Variants in ANXA10 observed in about 807,000 individuals in gnomAD.
ANXA10 encodes annexin 14.
Under a neutral mutation model 53.5 loss-of-function variants are expected in ANXA10, and 49 were observed. The observed-to-expected ratio is 0.92, with a 90% CI of 0.73 to 1.16. ANXA10 has a LOEUF of 1.16. Among genes scored for constraint, ANXA10 ranks in the 50% most tolerant of loss-of-function variants. The probability of loss-of-function intolerance (pLI) is 0.00; values close to 1 mark genes in which losing one functional copy is unlikely to be tolerated. For missense variants in ANXA10, 393 were observed against 394.4 expected (o/e 1.00, Z 0.03); for synonymous variants, 131 against 128.9 (o/e 1.02, Z -0.11).
At chr4:168,153,725 A>G (rs535974837) in intron 3 of ANXA10, among the ~76,000 whole-genome samples, 1 of 152,254 alleles carries the variant, frequency 6.6e-6, no homozygotes, top group South Asian at 2.1e-4. Context: ...ATCTTTTAAC[A>G]TTTATATCAA....
At chr4:168,112,286 A>G (rs1730820807) in intron 1 of ANXA10, among the ~76,000 whole-genome samples, 1 of 152,138 alleles carries the variant, frequency 6.6e-6, no homozygotes, top group Admixed American at 6.6e-5. Context: ...CAGCAGAGCA[A>G]GACTCTGTCT....
Position 168,162,547 on chromosome 4 carries a change from G to A in ANXA10, c.215G>A (p.Arg72Lys), listed in dbSNP as rs1298847700. The A allele has an allele frequency of 1.2e-6, 2 of 1,613,676 alleles. No individual in the cohort carries two copies. Among genetic ancestry groups the A allele is most frequent in the East Asian group, 4.5e-5 (2 of 44,888 alleles). ...CCACAGGACCTGATTGGGGATATGA[G>A]GGAGCAGCTTTCGGATCACTTCAAA... is the stretch of plus-strand genomic sequence containing the variant. ...MYGRDLIGDMREQLSDHFKDV... is the reference protein window; with the variant it reads ...MYGRDLIGDMKEQLSDHFKDV... The change falls in exon 4 of 12, where the codon AGG becomes AAG. Residue 72 changes from arginine (R) to lysine (K), a missense_variant. By Grantham distance (26) the Arg-to-Lys change is conservative. Transcript: ENST00000359299.
At chr4:168,131,969 A>G (rs952112208) in intron 2 of ANXA10, among the ~76,000 whole-genome samples, 3 of 152,102 alleles carry the variant, frequency 2.0e-5, no homozygotes, top group African/African-American at 7.2e-5. Flanking sequence ...AAAGACAGAC[A>G]ATAACAAATG....
Position 168,184,551 on chromosome 4 carries a change from T to A in ANXA10, c.784-8T>A. ...TTCTCATTTCTCCCACTTTTCTGTA[T>A]CTTTTAGGACTTTGGTTTCCATAAT... On this transcript the variant is annotated splice_region_variant and splice_polypyrimidine_tract_variant and intron_variant, in intron 10 of 11. Coordinates refer to ENST00000359299, the MANE Select transcript of ANXA10 (RefSeq NM_007193.5). The A allele has an allele frequency of 1.2e-6, 2 of 1,613,608 alleles. No individual in the cohort carries two copies. The highest frequency in any genetic ancestry group is 2.2e-5 in the East Asian group (1 of 44,844).
In ANXA10 at chr4:168,151,910, T is replaced by G. The variant is rs1451895624; in HGVS notation, c.196-10618T>G. On this transcript the variant is annotated intron_variant, in intron 3 of 11. Coordinates refer to ENST00000359299, the MANE Select transcript of ANXA10 (RefSeq NM_007193.5). ...GATAAGGACCTTCACTTATTTATGT[T>G]CAAATTGCCAAGAATGACTCCAAAC... is the stretch of plus-strand genomic sequence containing the variant. Among the ~76,000 whole-genome samples the G allele has an allele frequency of 2.0e-5, 3 of 152,214 alleles. No individual in the cohort carries two copies. In the South Asian group the frequency reaches 6.2e-4, roughly 31 times the overall value.
At chr4:168,130,678 G>T (rs903235378) in intron 2 of ANXA10, among the ~76,000 whole-genome samples, 1 of 151,962 alleles carries the variant, frequency 6.6e-6, no homozygotes, top group Admixed American at 6.6e-5. Flanking sequence ...TTGTCTATGA[G>T]TTTGGGTAGG....
At chr4:168,138,936 T>A (rs1731282529) in intron 2 of ANXA10, among the ~76,000 whole-genome samples, 1 of 152,222 alleles carries the variant, frequency 6.6e-6, no homozygotes, top group Admixed American at 6.5e-5. Flanking sequence ...TTTTCATACG[T>A]TGCTTTTGTA....
chr4:168,100,666 G>A (rs184785197), intron 1 of ANXA10, among the ~76,000 whole-genome samples: 14 of 151,920 alleles, frequency 9.2e-5, no homozygotes, highest in Non-Finnish European at 1.3e-4. Flanking sequence ...CAAACTATAC[G>A]GTTTGAAGCT....
chr4:168,117,932 CTCA>C (rs1393791119), intron 1 of ANXA10, among the ~76,000 whole-genome samples: 25 of 141,986 alleles, frequency 1.8e-4, no homozygotes, highest in African/African-American at 7.6e-4. Context: ...CACTCACTCA[CTCA>C]CTCCCTCCCT....
rs985826226 is a variant in ANXA10, at chr4:168,128,169, A to C, written c.100+4A>C. On this transcript the variant is annotated splice_donor_region_variant and intron_variant, in intron 2 of 11. Coordinates refer to ENST00000359299, the MANE Select transcript of ANXA10 (RefSeq NM_007193.5). ...GGAGGAGCACTCCAAGGATTTGGTA[A>C]GTCTGATTATTTCTACCATCTTTTA... 4 of 1,608,280 alleles carry C rather than the reference A, an allele frequency of 2.5e-6. No individual in the cohort carries two copies. In the African/African-American group the frequency reaches 5.4e-5, roughly 22 times the overall value.
rs551867650 is a variant in ANXA10, at chr4:168,179,411, C to T, written c.724+99C>T. The T allele has an allele frequency of 6.2e-4, 494 of 796,796 alleles. 10 individuals are homozygous for T. The highest frequency in any genetic ancestry group is 5.7e-3 in the South Asian group (327 of 57,418). The allele number at this position is 796,796 out of a possible 1,614,324, so 49.4% of individuals were successfully genotyped here. On this transcript the variant is annotated intron_variant, in intron 9 of 11. Transcript: ENST00000359299. ...AAAGATGCATGAGTAAGCTCTTGAT[C>T]GAGTCATTTTCCCTTGAATTTAATT...
chr4:168,111,639 G>A (rs1730808223), intron 1 of ANXA10, among the ~76,000 whole-genome samples: 1 of 152,054 alleles, frequency 6.6e-6, no homozygotes, highest in Non-Finnish European at 1.5e-5. Context: ...CACTTACCTT[G>A]CCTGATACAC....
chr4:168,173,488 G>A (rs540390993), intron 6 of ANXA10, among the ~76,000 whole-genome samples: 242 of 152,296 alleles, frequency 1.6e-3, no homozygotes, highest in Non-Finnish European at 2.9e-3. Context: ...GCTATATTGA[G>A]AAAAGACTAC....
chr4:168,182,665 T>C (rs1282850300), intron 10 of ANXA10, among the ~76,000 whole-genome samples: 3 of 149,016 alleles, frequency 2.0e-5, no homozygotes, highest in African/African-American at 4.9e-5. Flanking sequence ...AACAAACACT[T>C]AAGTGCATCA....
At chr4:168,179,148 G>A in intron 8 of ANXA10, 69 bp from the exon 9 acceptor site, 1 of 940,594 alleles carries the variant, frequency 1.1e-6, no homozygotes, top group South Asian at 1.5e-5. Context: ...TTTTTACTAT[G>A]TGTAACAATC....
rs557206026 is a variant in ANXA10, at chr4:168,185,699, G to A, written c.906+1018G>A. Among the ~76,000 whole-genome samples the A allele has an allele frequency of 1.6e-4, 25 of 152,326 alleles. No individual in the cohort carries two copies. The East Asian group carries it at 4.6e-3, about 28-fold the overall frequency. On this transcript the variant is annotated intron_variant, in intron 11 of 11. Transcript: ENST00000359299. ...CAAGAATTTCAGGATGGGGAGAGCA[G>A]AGCATTAAACCAAGCCAAGCACAGG...
rs1240847716 is a variant in ANXA10, at chr4:168,116,234, C to G, written c.19-11850C>G. ...GGATACAATCCATATAGACAAAACA[C>G]GTGCAGAAAAAAAAAATCTTACTTT... On this transcript the variant is annotated intron_variant, in intron 1 of 11. Coordinates refer to ENST00000359299, the MANE Select transcript of ANXA10 (RefSeq NM_007193.5). 2.0e-5 allele frequency among the ~76,000 whole-genome samples: 3 copies of G among 151,874 alleles called. No individual in the cohort carries two copies. In the South Asian group the frequency reaches 6.2e-4, roughly 32 times the overall value.
chr4:168,111,720 T>C (rs1730809347), intron 1 of ANXA10, among the ~76,000 whole-genome samples: 1 of 152,208 alleles, frequency 6.6e-6, no homozygotes, highest in Admixed American at 6.5e-5. Flanking sequence ...ATTCAAATAG[T>C]ATAATGCCTC....
intron 4 of ANXA10, among the ~76,000 whole-genome samples, chr4:168,163,801 G>A (rs1578928279): frequency 2.0e-5 from 3 of 151,976 alleles, no homozygotes; most frequent in Admixed American, 6.6e-5. Context: ...AATATTCTCG[G>A]CAAATTAGAA....
Sources: allele counts gnomAD v4.1 joint callset (sites outside exome capture counted in the v4.1 genomes callset), GRCh38; gene constraint gnomAD v4.1.1; transcripts MANE v1.5; gene names NCBI Gene and HGNC (gene_info 2026-07-23, HGNC 2026-07-21).